Variants in PAX5 observed in about 807,000 individuals in gnomAD.
The protein encoded by PAX5 is paired box protein Pax-5.
PAX5 carries 9 observed loss-of-function variants against 43.7 expected under a neutral mutation model. The ratio of observed to expected loss-of-function variants is 0.21; its 90% CI spans 0.12 to 0.36. The LOEUF (loss-of-function observed/expected upper bound fraction) is 0.36, where lower values mean the gene tolerates loss of function less well. PAX5 is among the 10% of genes least tolerant of loss of function. PAX5 has a pLI of 1.00. For missense variants in PAX5, 383 were observed against 532.7 expected (o/e 0.72, Z 2.77); for synonymous variants, 228 against 214.3 (o/e 1.06, Z -0.56).
At chr9:36,933,695 G>A (rs2132024265) in intron 6 of PAX5, among the ~76,000 whole-genome samples, 1 of 152,324 alleles carries the variant, frequency 6.6e-6, no homozygotes, top group East Asian at 1.9e-4. Context: ...GAATCTGCAA[G>A]GAGGAATGCC....
In PAX5 at chr9:36,921,746, C is replaced by T. The variant is rs117683077; in HGVS notation, c.910+1609G>A. 7.0e-3 allele frequency among the ~76,000 whole-genome samples: 1,070 copies of T among 152,230 alleles called. 6 individuals carry two copies. Among genetic ancestry groups the T allele is most frequent in the Middle Eastern group, 0.014 (4 of 294 alleles). ...CCCACCTCTATAATTATTTGTAGTT[C>T]CTTGAAAAAGAGGAAAAAGGGCCCA... On this transcript the variant is annotated intron_variant, in intron 7 of 9. Transcript: ENST00000358127.
chr9:37,022,553 C>T (rs1839945572), intron 1 of PAX5, among the ~76,000 whole-genome samples: 1 of 152,206 alleles, frequency 6.6e-6, no homozygotes, highest in African/African-American at 2.4e-5. Context: ...TTGATATGAC[C>T]TGGGAGTCCA....
intron 8 of PAX5, among the ~76,000 whole-genome samples, chr9:36,870,278 G>A (rs773728621): frequency 1.2e-4 from 19 of 152,258 alleles, no homozygotes; most frequent in Admixed American, 5.2e-4. Flanking sequence ...GGACACGGAG[G>A]CCCCTTTCCA....
At chr9:36,919,090 G>A (rs555472235) in intron 7 of PAX5, among the ~76,000 whole-genome samples, 1 of 152,308 alleles carries the variant, frequency 6.6e-6, no homozygotes, top group South Asian at 2.1e-4. Context: ...TTAAGTTAAA[G>A]CCAATGCTCC....
intron 3 of PAX5, among the ~76,000 whole-genome samples, chr9:37,013,330 T>C (rs553570904): frequency 6.6e-6 from 1 of 152,258 alleles, no homozygotes; most frequent in East Asian, 1.9e-4. Context: ...CCTGCTTCCC[T>C]CATTACCTTA....
chr9:36,981,259 C>G (rs1428329863), intron 5 of PAX5, among the ~76,000 whole-genome samples: 1 of 146,680 alleles, frequency 6.8e-6, no homozygotes, highest in East Asian at 2.1e-4. Flanking sequence ...CATAGAACAG[C>G]ATGCTGCTTA....
chr9:36,834,413 A>AGT lies in PAX5; in HGVS notation c.*6145_*6146dup, dbSNP rs1398050177. Reference sequence around the variant, plus strand: ...AGTATGTCTGAGGTGTAGGGGAGTGAGTGAGTGTGTGTGTGTGTGTGTGTG... The same window carrying AGT: ...AGTATGTCTGAGGTGTAGGGGAGTGAGTGTGAGTGTGTGTGTGTGTGTGTGTG... On this transcript the variant is annotated 3_prime_UTR_variant, in exon 10 of 10. Transcript: ENST00000358127. 5 of 179,894 alleles carry AGT rather than the reference A, an allele frequency of 2.8e-5. No individual in the cohort carries two copies. The highest frequency in any genetic ancestry group is 6.9e-5 in the African/African-American group (2 of 29,108). The allele number at this position is 179,894 out of a possible 1,614,324, so 11.1% of individuals were successfully genotyped here.
At chr9:36,982,883 A>G (rs1263851298) in intron 5 of PAX5, among the ~76,000 whole-genome samples, 1 of 149,792 alleles carries the variant, frequency 6.7e-6, no homozygotes, top group East Asian at 2.0e-4. Flanking sequence ...CTAGAGAGAA[A>G]CCCATTCATT....
chr9:36,922,225 C>A (rs1414636382), intron 7 of PAX5, among the ~76,000 whole-genome samples: 2 of 152,192 alleles, frequency 1.3e-5, no homozygotes, highest in Non-Finnish European at 2.9e-5. Flanking sequence ...CTGTTCTAAT[C>A]CGAGTCTAAC....
chr9:36,985,324 G>A (rs975830774), intron 5 of PAX5, among the ~76,000 whole-genome samples: 7 of 152,192 alleles, frequency 4.6e-5, no homozygotes, highest in African/African-American at 1.7e-4. Context: ...CCTGGCCAGG[G>A]CTTTTTTGGA....
At chr9:36,970,607 C>T (rs1050526839) in intron 5 of PAX5, among the ~76,000 whole-genome samples, 1 of 152,126 alleles carries the variant, frequency 6.6e-6, no homozygotes, top group African/African-American at 2.4e-5. Context: ...AAACTAGGGG[C>T]CAGGGGAGGT....
intron 8 of PAX5, among the ~76,000 whole-genome samples, chr9:36,871,821 C>A (rs970108725): frequency 3.9e-5 from 6 of 152,168 alleles, no homozygotes; most frequent in Non-Finnish European, 7.4e-5. Flanking sequence ...GCTCTGAGCT[C>A]CCCCAGCACT....
At position 36,923,401 on chromosome 9, in the gene PAX5, G is replaced by A; in HGVS notation, c.864C>T (p.Asp288=). ...KANLASPTPA[D]IGSSVPGPQS... is the part of the protein sequence containing the mutation. Reference sequence around the variant, plus strand: ...GCGGGCCTGGCACACTGCTCCCGATGTCAGCAGGGGTGGGGCTGGCCAGAT... The same window carrying A: ...GCGGGCCTGGCACACTGCTCCCGATATCAGCAGGGGTGGGGCTGGCCAGAT... Residue 288 remains aspartate (D), a synonymous_variant, in exon 7 of 10, where the codon GAC becomes GAT. Transcript: ENST00000358127. 2 of 1,613,372 alleles carry A rather than the reference G, an allele frequency of 1.2e-6. No individual in the cohort carries two copies. Among genetic ancestry groups the A allele is most frequent in the South Asian group, 1.1e-5 (1 of 91,064 alleles).
chr9:37,013,454 C>T (rs1839135341), intron 3 of PAX5, among the ~76,000 whole-genome samples: 1 of 152,160 alleles, frequency 6.6e-6, no homozygotes, highest in Admixed American at 6.5e-5. Flanking sequence ...TGTGGGTCCC[C>T]AAAGCCTGAC....
chr9:36,854,277 G>C (rs1225251041), intron 8 of PAX5, among the ~76,000 whole-genome samples: 1 of 152,184 alleles, frequency 6.6e-6, no homozygotes, highest in Admixed American at 6.5e-5. Context: ...GCGCAGGCAC[G>C]GCATCACACG....
chr9:36,956,052 G>GTT (rs1437449715), intron 6 of PAX5, among the ~76,000 whole-genome samples: 1 of 152,106 alleles, frequency 6.6e-6, no homozygotes, highest in Non-Finnish European at 1.5e-5. Context: ...AAAATTAGCT[G>GTT]TTCTTTTGTC....
intron 6 of PAX5, among the ~76,000 whole-genome samples, chr9:36,936,778 C>T (rs1831587778): frequency 6.6e-6 from 1 of 152,006 alleles, no homozygotes; most frequent in Non-Finnish European, 1.5e-5. Context: ...GATGCCCCTC[C>T]CCACCACCAC....
At chr9:36,884,438 T>G (rs1482653070) in intron 7 of PAX5, among the ~76,000 whole-genome samples, 8 of 152,230 alleles carry the variant, frequency 5.3e-5, no homozygotes, top group African/African-American at 1.9e-4. Flanking sequence ...AATTCAATAT[T>G]AATTCCTTAT....
In PAX5 at chr9:36,840,363, G is replaced by T; in HGVS notation, c.*197C>A. On this transcript the variant is annotated 3_prime_UTR_variant, in exon 10 of 10. Coordinates refer to ENST00000358127, the MANE Select transcript of PAX5 (RefSeq NM_016734.3). ...GCTCATAGATTGGCTTTTAGAAATA[G>T]ACAAGCATCCAGAAGTCCAACGGCC... 1.3e-5 allele frequency: 8 copies of T among 633,100 alleles called. No homozygotes were observed. 39.2% of individuals were successfully genotyped at this position (633,100 alleles called of 1,614,324 possible). A position where few individuals can be genotyped will look rare whatever the true frequency, so the allele number is the denominator to read the frequency against.
Sources: gnomAD v4.1 joint callset for allele counts (sites outside exome capture counted in the v4.1 genomes callset) on GRCh38, gnomAD v4.1.1 for gene constraint, MANE v1.5 for transcripts, NCBI Gene and HGNC (gene_info 2026-07-23, HGNC 2026-07-21) for gene names.